Variants in AUTS2 observed in about 807,000 individuals in gnomAD.
The protein encoded by AUTS2 is autism susceptibility gene 2 protein.
A neutral mutation model predicts 112.4 loss-of-function variants in AUTS2; 17 were observed. The observed-to-expected ratio is 0.15, with a 90% CI of 0.10 to 0.23. AUTS2 has a LOEUF of 0.23. Ranked by LOEUF, AUTS2 falls within the 10% of genes least tolerant of loss-of-function variation. The probability of loss-of-function intolerance (pLI) is 1.00; values close to 1 mark genes in which losing one functional copy is unlikely to be tolerated. For missense variants in AUTS2, 1,510 were observed against 1,701.6 expected (o/e 0.89, Z 1.98); for synonymous variants, 751 against 702.7 (o/e 1.07, Z -1.09).
intron 6 of AUTS2, among the ~76,000 whole-genome samples, chr7:70,732,153 G>A (rs565321944): frequency 6.6e-6 from 1 of 152,214 alleles, no homozygotes; most frequent in South Asian, 2.1e-4. Context: ...AGTGTATTAT[G>A]CATTACAGCT....
At chr7:70,181,361 C>T (rs1809290864) in intron 4 of AUTS2, among the ~76,000 whole-genome samples, 1 of 152,198 alleles carries the variant, frequency 6.6e-6, no homozygotes, top group Non-Finnish European at 1.5e-5. Context: ...CAAGTCGTAT[C>T]TTGAAGCCAT....
chr7:70,135,650 G>A (rs979943230), intron 4 of AUTS2, among the ~76,000 whole-genome samples: 1 of 152,126 alleles, frequency 6.6e-6, no homozygotes, highest in African/African-American at 2.4e-5. Flanking sequence ...TTTTCTAGAT[G>A]TTGACTTTTT....
intron 4 of AUTS2, among the ~76,000 whole-genome samples, chr7:70,280,186 C>T (rs1360620745): frequency 6.6e-6 from 1 of 152,162 alleles, no homozygotes; most frequent in Non-Finnish European, 1.5e-5. Context: ...TCTTGTCCCT[C>T]ACCTCATTTG....
intron 6 of AUTS2, among the ~76,000 whole-genome samples, chr7:70,750,157 G>A (rs1375515131): frequency 1.3e-5 from 2 of 152,120 alleles, no homozygotes; most frequent in African/African-American, 2.4e-5. Flanking sequence ...CTTTCTACTA[G>A]GGTAACTTGG....
At chr7:70,435,876 A>T in intron 5 of AUTS2, 95 bp downstream of exon 5, 1 of 1,320,188 alleles carries the variant, frequency 7.6e-7, no homozygotes, top group Admixed American at 1.7e-5. Flanking sequence ...TGCCAGCTTC[A>T]TGTTGACAGG....
chr7:70,170,525 T>C (rs918549064), intron 4 of AUTS2, among the ~76,000 whole-genome samples: 4 of 152,156 alleles, frequency 2.6e-5, no homozygotes, highest in African/African-American at 9.6e-5. Flanking sequence ...TGAACAAGCA[T>C]TATAGATCAC....
intron 1 of AUTS2, among the ~76,000 whole-genome samples, chr7:69,682,736 C>T (rs1435085341): frequency 2.0e-5 from 3 of 152,134 alleles, no homozygotes; most frequent in African/African-American, 4.8e-5. Flanking sequence ...AGGCAGAGAG[C>T]GAAAGACTTA....
intron 2 of AUTS2, among the ~76,000 whole-genome samples, chr7:70,004,084 TTA>T (rs1469452155): frequency 3.1e-5 from 4 of 130,064 alleles, no homozygotes; most frequent in African/African-American, 1.1e-4. Context: ...TATGAATGTG[TTA>T]TATGTGAATA....
chr7:69,648,048 A>G (rs1795112107), intron 1 of AUTS2, among the ~76,000 whole-genome samples: 1 of 152,188 alleles, frequency 6.6e-6, no homozygotes, highest in African/African-American at 2.4e-5. Flanking sequence ...ATTTCTAAAT[A>G]AGGTCACATT....
At chr7:69,845,664 A>G (rs754645535) in intron 1 of AUTS2, among the ~76,000 whole-genome samples, 3 of 152,140 alleles carry the variant, frequency 2.0e-5, no homozygotes, top group Non-Finnish European at 4.4e-5. Context: ...GTGTTTGTGA[A>G]CGAAGGGAGG....
chr7:70,362,523 G>C (rs1792317049), intron 4 of AUTS2, among the ~76,000 whole-genome samples: 1 of 152,046 alleles, frequency 6.6e-6, no homozygotes, highest in African/African-American at 2.4e-5. Context: ...TATAAAATAA[G>C]TATGTTCGTT....
At chr7:69,983,500 G>A (rs1798379614) in intron 2 of AUTS2, among the ~76,000 whole-genome samples, 1 of 150,352 alleles carries the variant, frequency 6.7e-6, no homozygotes, top group South Asian at 2.1e-4. Flanking sequence ...AGCATCAGAA[G>A]GTGTCGCTTT....
In AUTS2 at chr7:70,605,735, C is replaced by T. The variant is rs545496485; in HGVS notation, c.691-92834C>T. Among the ~76,000 whole-genome samples the T allele has an allele frequency of 7.2e-5, 11 of 152,180 alleles. No homozygotes were observed. In the South Asian group the frequency reaches 2.3e-3, roughly 32 times the overall value. ...CATAGCGATGAATTTCTCAATTAAA[C>T]ATTGTATTAGCGAATCACAGAATTA... On this transcript the variant is annotated intron_variant, in intron 5 of 18. Transcript: ENST00000342771.
chr7:70,067,721 A>G (rs925045669), intron 2 of AUTS2, among the ~76,000 whole-genome samples: 3 of 152,108 alleles, frequency 2.0e-5, no homozygotes, highest in Non-Finnish European at 2.9e-5. Context: ...GAGTGGTGGC[A>G]CATGCCTGTG....
chr7:70,233,109 A>T (rs910443152), intron 4 of AUTS2, among the ~76,000 whole-genome samples: 47 of 152,202 alleles, frequency 3.1e-4, no homozygotes, highest in African/African-American at 1.1e-3. Flanking sequence ...AACATATTTC[A>T]TACTGGGTTA....
At chr7:69,725,513 T>C (rs1473473810) in intron 1 of AUTS2, among the ~76,000 whole-genome samples, 1 of 152,000 alleles carries the variant, frequency 6.6e-6, no homozygotes, top group East Asian at 1.9e-4. Flanking sequence ...GGAAGGAGTA[T>C]GCAAAAAAAG....
intron 4 of AUTS2, among the ~76,000 whole-genome samples, chr7:70,271,215 A>G (rs1787677960): frequency 6.6e-6 from 1 of 152,162 alleles, no homozygotes; most frequent in South Asian, 2.1e-4. Flanking sequence ...TTAAAGAAAA[A>G]TATTAATAAA....
At chr7:70,290,824 G>A (rs922239482) in intron 4 of AUTS2, 2 of 241,224 alleles carry the variant, frequency 8.3e-6, no homozygotes, top group Non-Finnish European at 1.5e-5. Context: ...TACATAGTGT[G>A]TATATGTTCA....
intron 4 of AUTS2, among the ~76,000 whole-genome samples, chr7:70,280,949 C>T (rs184031721): frequency 1.8e-4 from 27 of 152,210 alleles, no homozygotes; most frequent in Non-Finnish European, 3.8e-4. Flanking sequence ...GATTTTACTT[C>T]TCTCCTTCAT....
Sources: gnomAD v4.1 joint callset for allele counts (sites outside exome capture counted in the v4.1 genomes callset) on GRCh38, gnomAD v4.1.1 for gene constraint, MANE v1.5 for transcripts, NCBI Gene and HGNC (gene_info 2026-07-23, HGNC 2026-07-21) for gene names.